Variants in CPB1 observed in about 807,000 individuals in gnomAD.
The protein encoded by CPB1 is carboxypeptidase B.
CPB1 carries 53 observed loss-of-function variants against 51.4 expected under a neutral mutation model. The ratio of observed to expected loss-of-function variants is 1.03; its 90% CI spans 0.83 to 1.30. The LOEUF (loss-of-function observed/expected upper bound fraction) is 1.30, where lower values mean the gene tolerates loss of function less well. Ranked by LOEUF, CPB1 falls within the 50% of genes most tolerant of loss-of-function variation. The pLI is 0.00. For missense variants in CPB1, 494 were observed against 516.2 expected, an observed-to-expected ratio of 0.96 and a Z score of 0.42; for synonymous variants, 189 against 186.9, an observed-to-expected ratio of 1.01 and a Z score of -0.09.
chr3:148,855,590 G>A (rs1251697516), intron 9 of CPB1: 1 of 152,118 alleles, frequency 6.6e-6, no homozygotes, highest in South Asian at 2.1e-4. Flanking sequence ...TATATTGAGA[G>A]ACTTGAAAGA....
intron 9 of CPB1, among the ~76,000 whole-genome samples, chr3:148,850,732 A>G (rs1028759070): frequency 1.3e-4 from 20 of 152,230 alleles, no homozygotes; most frequent in African/African-American, 4.8e-4. Flanking sequence ...AGACAGTTGC[A>G]GGGCCATGCA....
At chr3:148,850,287 TTTG>T (rs1236223573) in intron 9 of CPB1, among the ~76,000 whole-genome samples, 5 of 151,664 alleles carry the variant, frequency 3.3e-5, no homozygotes, top group Non-Finnish European at 7.4e-5. Context: ...TGAAGTTTTT[TTTG>T]TTTGTTTGTT....
At chr3:148,828,380 C>A (rs1712635096) in intron 2 of CPB1, among the ~76,000 whole-genome samples, 1 of 152,144 alleles carries the variant, frequency 6.6e-6, no homozygotes, top group African/African-American at 2.4e-5. Flanking sequence ...CCTTCTAAGG[C>A]AAAAGAGAAA....
intron 9 of CPB1, chr3:148,854,792 C>T (rs1313932498): frequency 2.0e-5 from 3 of 152,216 alleles, no homozygotes; most frequent in Non-Finnish European, 2.9e-5. Flanking sequence ...GATGCAAAAA[C>T]AACTGATTAT....
At chr3:148,847,372 T>TAA (rs3043983) in intron 9 of CPB1, among the ~76,000 whole-genome samples, 7,612 of 86,236 alleles carry the variant, frequency 0.088, 349 homozygotes, top group South Asian at 0.12. Flanking sequence ...AAATCATTCT[T>TAA]AAAAAAAAAA....
At chr3:148,834,133 A>G (rs1444713443) in intron 2 of CPB1, among the ~76,000 whole-genome samples, 2 of 152,224 alleles carry the variant, frequency 1.3e-5, no homozygotes, top group African/African-American at 2.4e-5. Flanking sequence ...TAGTTAATTC[A>G]TCATTCATCT....
At chr3:148,831,306 T>A (rs1396612362) in intron 2 of CPB1, among the ~76,000 whole-genome samples, 1 of 152,196 alleles carries the variant, frequency 6.6e-6, no homozygotes, top group African/African-American at 2.4e-5. Context: ...AATGTTCTTA[T>A]CATTCCTACT....
chr3:148,834,402 T>C, intron 2 of CPB1, 96 bp from the exon 3 acceptor site: 1 of 1,193,516 alleles, frequency 8.4e-7, no homozygotes, highest in South Asian at 1.3e-5. Flanking sequence ...GATTTGATTT[T>C]GAAAATAACT....
At chr3:148,846,797 G>GTGTGTGTATATATATA (rs1364486523) in intron 9 of CPB1, among the ~76,000 whole-genome samples, 9 of 50,532 alleles carry the variant, frequency 1.8e-4, no homozygotes, top group Admixed American at 1.1e-3. Flanking sequence ...GTGTGCGTGT[G>GTGTGTGTATATATATA]TATATATATA....
At chr3:148,850,205 C>CA (rs1437222398) in intron 9 of CPB1, among the ~76,000 whole-genome samples, 1 of 151,992 alleles carries the variant, frequency 6.6e-6, no homozygotes, top group Non-Finnish European at 1.5e-5. Context: ...TAAATGTGAA[C>CA]AAAAGATAGA....
At chr3:148,831,222 G>A (rs949777012) in intron 2 of CPB1, among the ~76,000 whole-genome samples, 1 of 152,128 alleles carries the variant, frequency 6.6e-6, no homozygotes, top group African/African-American at 2.4e-5. Context: ...TCTCTGGACT[G>A]TCTTGAAGTC....
At chr3:148,841,305 T>A (rs761381599) in intron 5 of CPB1, among the ~76,000 whole-genome samples, 2 of 152,152 alleles carry the variant, frequency 1.3e-5, no homozygotes, top group African/African-American at 2.4e-5. Context: ...TTTAAAGAGG[T>A]TCATAAACTT....
intron 9 of CPB1, among the ~76,000 whole-genome samples, chr3:148,846,917 T>G (rs1193655222): frequency 6.9e-6 from 1 of 144,060 alleles, no homozygotes; most frequent in Non-Finnish European, 1.5e-5. Flanking sequence ...CTCACAGTAT[T>G]GCTCTCCCAG....
rs547907556 is a variant in CPB1 at position 148,852,832 on chromosome 3, C to T, written c.982-4625C>T. Among the ~76,000 whole-genome samples the T allele has an allele frequency of 2.6e-5, 4 of 152,312 alleles. No individual in the cohort carries two copies. The South Asian group carries it at 6.2e-4, about 24-fold the overall frequency. ...AAAGCGTTCCCACACTCCCCGTGGG[C>T]TCTGTGGAAATCGGCAGGCCTGGTT... On this transcript the variant is annotated intron_variant, in intron 9 of 10. Coordinates refer to ENST00000282957, the MANE Select transcript of CPB1 (RefSeq NM_001871.3).
chr3:148,856,226 G>A (rs1409624137), intron 9 of CPB1: 1 of 152,190 alleles, frequency 6.6e-6, no homozygotes, highest in African/African-American at 2.4e-5. Flanking sequence ...GTTCCAGGAA[G>A]CTGATTGCAT....
At position 148,847,372 on chromosome 3, in the gene CPB1, T is replaced by TAAAAAAAAAAAAAAAAAAAAAAA. The variant is rs3043983; in HGVS notation, c.981+1748_981+1770dup. Among the ~76,000 whole-genome samples the TAAAAAAAAAAAAAAAAAAAAAAA allele has an allele frequency of 2.3e-5, 2 of 86,718 alleles. 1 individual carries two copies. The highest frequency in any genetic ancestry group is 9.7e-5 in the African/African-American group (2 of 20,534). The allele number at this position is 86,718 out of a possible 152,430, so 56.9% of individuals were successfully genotyped here. A position where few individuals can be genotyped will look rare whatever the true frequency, so the allele number is the denominator to read the frequency against. On this transcript the variant is annotated intron_variant, in intron 9 of 10. Coordinates refer to ENST00000282957, the MANE Select transcript of CPB1 (RefSeq NM_001871.3). ...ACTCTAAAAGTCTCCAAATCATTCT[T>TAAAAAAAAAAAAAAAAAAAAAAA]AAAAAAAAAAAAAAAAAAAAAAAAG...
intron 2 of CPB1, among the ~76,000 whole-genome samples, chr3:148,832,657 A>G (rs182422820): frequency 6.6e-6 from 1 of 152,326 alleles, no homozygotes; most frequent in Admixed American, 6.5e-5. Flanking sequence ...CCCACCTGAG[A>G]GGTGAAGGAG....
intron 3 of CPB1, among the ~76,000 whole-genome samples, chr3:148,837,788 T>C (rs1712949972): frequency 6.6e-6 from 1 of 152,010 alleles, no homozygotes; most frequent in Non-Finnish European, 1.5e-5. Flanking sequence ...CTAGAGGATA[T>C]TTTTACTCTT....
At chr3:148,842,865 C>T (rs1713126216) in intron 6 of CPB1, among the ~76,000 whole-genome samples, 1 of 152,186 alleles carries the variant, frequency 6.6e-6, no homozygotes, top group Non-Finnish European at 1.5e-5. Flanking sequence ...TATAACGTAG[C>T]TTCAGATATG....
Sources: gnomAD v4.1 joint callset for allele counts (sites outside exome capture counted in the v4.1 genomes callset) on GRCh38, gnomAD v4.1.1 for gene constraint, MANE v1.5 for transcripts, NCBI Gene and HGNC (gene_info 2026-07-23, HGNC 2026-07-21) for gene names.